Variants in FOXP1 observed in about 807,000 individuals in gnomAD.
FOXP1 encodes forkhead box protein P1.
Under a neutral mutation model 98.2 loss-of-function variants are expected in FOXP1, and 15 were observed. That is an observed-to-expected ratio of 0.15 (90% confidence interval 0.10 to 0.24). FOXP1 has a LOEUF of 0.24. Among genes scored for constraint, FOXP1 ranks in the 10% least tolerant of loss-of-function variants. The pLI is 1.00. For missense variants in FOXP1, 633 were observed against 848.5 expected (o/e 0.75, Z 3.15); for synonymous variants, 371 against 314.5 (o/e 1.18, Z -1.90).
At chr3:71,192,940 G>A (rs2063078187) in intron 6 of FOXP1, among the ~76,000 whole-genome samples, 1 of 152,032 alleles carries the variant, frequency 6.6e-6, no homozygotes, top group Non-Finnish European at 1.5e-5. Context: ...ATGAGACACT[G>A]CACGCAGCCT....
chr3:71,231,657 A>G (rs1325715043), intron 5 of FOXP1, among the ~76,000 whole-genome samples: 1 of 152,260 alleles, frequency 6.6e-6, no homozygotes, highest in Non-Finnish European at 1.5e-5. Context: ...TAAACTATAA[A>G]GTTAAGACAG....
intron 4 of FOXP1, 120 bp downstream of exon 4, chr3:71,359,030 G>A (rs1356607734): frequency 6.6e-6 from 1 of 152,140 alleles, no homozygotes. Flanking sequence ...CAGAATCAGG[G>A]CCTGATAATT....
At chr3:71,316,948 G>A (rs904319106) in intron 4 of FOXP1, among the ~76,000 whole-genome samples, 1 of 151,996 alleles carries the variant, frequency 6.6e-6, no homozygotes, top group Non-Finnish European at 1.5e-5. Context: ...GAGCCACTGC[G>A]CCTGGCCAGG....
chr3:70,971,725 G>A (rs556987466), intron 18 of FOXP1: 3 of 287,556 alleles, frequency 1.0e-5, no homozygotes, highest in Non-Finnish European at 1.9e-5. Context: ...GGGGAGAGAG[G>A]GGGGATTATG....
At chr3:71,217,940 G>C (rs766592584) in intron 5 of FOXP1, among the ~76,000 whole-genome samples, 2 of 152,086 alleles carry the variant, frequency 1.3e-5, no homozygotes, top group Non-Finnish European at 2.9e-5. Flanking sequence ...GTCTCTCCCT[G>C]GGATTGCCAG....
rs2031999222 is a variant in FOXP1 at position 70,957,040 on chromosome 3, T to C, written c.*2207A>G. Reference sequence around the variant, plus strand: ...ACAAAAGTGGCATACAATCTAAAAATATCTCTTTTTCTAGAAATACTATTA... The same window carrying C: ...ACAAAAGTGGCATACAATCTAAAAACATCTCTTTTTCTAGAAATACTATTA... On this transcript the variant is annotated 3_prime_UTR_variant, in exon 21 of 21. Coordinates refer to ENST00000649528, the MANE Select transcript of FOXP1 (RefSeq NM_001349338.3). The C allele has an allele frequency of 4.5e-6, 1 of 222,408 alleles. No individual in the cohort carries two copies. The highest frequency in any genetic ancestry group is 9.0e-6 in the Non-Finnish European group (1 of 111,418). 13.8% of individuals were successfully genotyped at this position (222,408 alleles called of 1,614,324 possible).
chr3:71,202,184 A>G (rs2063719832), intron 5 of FOXP1, among the ~76,000 whole-genome samples: 1 of 152,248 alleles, frequency 6.6e-6, no homozygotes, highest in Admixed American at 6.5e-5. Flanking sequence ...TGCAGGCATC[A>G]AGCCAAGCAG....
At chr3:71,123,471 C>T (rs777900554) in intron 6 of FOXP1, among the ~76,000 whole-genome samples, 2 of 152,202 alleles carry the variant, frequency 1.3e-5, no homozygotes, top group African/African-American at 2.4e-5. Flanking sequence ...ACAAGTCCCT[C>T]GTTCTCTGGT....
At chr3:71,035,535 G>A (rs1436159926) in intron 11 of FOXP1, among the ~76,000 whole-genome samples, 1 of 152,180 alleles carries the variant, frequency 6.6e-6, no homozygotes. Flanking sequence ...AAAGGAAGCA[G>A]TGGGCTGGAT....
intron 2 of FOXP1, among the ~76,000 whole-genome samples, chr3:71,541,585 T>C (rs907216731): frequency 6.6e-6 from 1 of 152,148 alleles, no homozygotes; most frequent in Non-Finnish European, 1.5e-5. Context: ...CATGCTACTC[T>C]AGCTGCACAA....
intron 5 of FOXP1, among the ~76,000 whole-genome samples, chr3:71,220,382 A>C (rs2065267676): frequency 6.6e-6 from 1 of 152,208 alleles, no homozygotes; most frequent in Non-Finnish European, 1.5e-5. Context: ...TTTCAGAGTA[A>C]AGCAGAAATG....
At chr3:71,053,512 C>A in intron 8 of FOXP1, 124 bp downstream of exon 8, 3 of 1,178,660 alleles carry the variant, frequency 2.5e-6, no homozygotes, top group Non-Finnish European at 3.7e-6. Context: ...TCCTGCCCCA[C>A]CCACGCTGCT....
intron 20 of FOXP1, among the ~76,000 whole-genome samples, chr3:70,963,667 A>G (rs1238524624): frequency 6.6e-6 from 1 of 152,170 alleles, no homozygotes; most frequent in Non-Finnish European, 1.5e-5. Context: ...GGAACACAAG[A>G]GTTTTAAAAT....
At chr3:71,367,310 T>C (rs1415885822) in intron 3 of FOXP1, among the ~76,000 whole-genome samples, 1 of 152,138 alleles carries the variant, frequency 6.6e-6, no homozygotes, top group Non-Finnish European at 1.5e-5. Flanking sequence ...AGTGTCTCTC[T>C]CACATACACA....
chr3:71,371,383 C>T (rs936070232), intron 3 of FOXP1, among the ~76,000 whole-genome samples: 4 of 152,172 alleles, frequency 2.6e-5, no homozygotes, highest in African/African-American at 4.8e-5. Flanking sequence ...CCCAAAGAAG[C>T]CTACTCTCAA....
intron 7 of FOXP1, among the ~76,000 whole-genome samples, chr3:71,111,500 C>T (rs913117799): frequency 6.8e-4 from 103 of 152,252 alleles, no homozygotes; most frequent in Admixed American, 1.8e-3. Flanking sequence ...CGGGTTCAAG[C>T]GATTCTCCTG....
At chr3:71,363,096 T>C (rs1220249210) in intron 3 of FOXP1, among the ~76,000 whole-genome samples, 1 of 152,016 alleles carries the variant, frequency 6.6e-6, no homozygotes. Flanking sequence ...TCCTAAAATA[T>C]TCATATAATC....
intron 4 of FOXP1, among the ~76,000 whole-genome samples, chr3:71,339,638 A>G (rs1366752370): frequency 6.6e-6 from 1 of 152,220 alleles, no homozygotes; most frequent in Non-Finnish European, 1.5e-5. Context: ...TAAGGTTCCT[A>G]CTGGGCTCAA....
intron 2 of FOXP1, among the ~76,000 whole-genome samples, chr3:71,520,417 G>C (rs2042892939): frequency 6.6e-6 from 1 of 152,188 alleles, no homozygotes; most frequent in South Asian, 2.1e-4. Flanking sequence ...CCCATCTTGT[G>C]CAACTCCACA....
Sources: gnomAD v4.1 joint callset for allele counts (sites outside exome capture counted in the v4.1 genomes callset) on GRCh38, gnomAD v4.1.1 for gene constraint, MANE v1.5 for transcripts, NCBI Gene and HGNC (gene_info 2026-07-23, HGNC 2026-07-21) for gene names.